The following TEX36 variants were observed in gnomAD, a reference collection of about 807,000 sequenced individuals.
The protein encoded by TEX36 is testis expressed 36.
TEX36 carries 12 observed loss-of-function variants against 13.6 expected under a neutral mutation model. That is an observed-to-expected ratio of 0.88 (90% confidence interval 0.56 to 1.43). The LOEUF is 1.43. Ranked by LOEUF, TEX36 falls within the 40% of genes most tolerant of loss-of-function variation. The pLI is 0.00. For missense variants in TEX36, 224 were observed against 228.3 expected, an observed-to-expected ratio of 0.98 and a Z score of 0.12; for synonymous variants, 93 against 83.0, an observed-to-expected ratio of 1.12 and a Z score of -0.65.
At chr10:125,582,732 AT>A (rs1845898356) in intron 3 of TEX36, among the ~76,000 whole-genome samples, 1 of 152,170 alleles carries the variant, frequency 6.6e-6, no homozygotes, top group Non-Finnish European at 1.5e-5. Context: ...TTGAAGTGGT[AT>A]TTTTCAGCAC....
intron 1 of TEX36, among the ~76,000 whole-genome samples, chr10:125,673,710 C>CAA (rs3064205): frequency 1.6e-3 from 110 of 67,966 alleles, no homozygotes; most frequent in Middle Eastern, 7.9e-3. Context: ...GACTCTCTCT[C>CAA]AAAAAAAAAA....
intron 3 of TEX36, among the ~76,000 whole-genome samples, chr10:125,640,373 C>G (rs1483018): frequency 0.01 from 1,581 of 152,300 alleles, 12 homozygotes; most frequent in Middle Eastern, 0.034. Flanking sequence ...AAATCACACG[C>G]TACACCTAAC....
At chr10:125,632,390 G>C (rs1375396457) in intron 3 of TEX36, among the ~76,000 whole-genome samples, 3 of 152,126 alleles carry the variant, frequency 2.0e-5, no homozygotes, top group African/African-American at 7.2e-5. Context: ...AGTCCTAAGG[G>C]AAGAGACTCT....
intron 3 of TEX36, among the ~76,000 whole-genome samples, chr10:125,609,081 G>A (rs969493310): frequency 9.9e-5 from 15 of 151,542 alleles, no homozygotes; most frequent in African/African-American, 3.4e-4. Flanking sequence ...CTTGAACCTG[G>A]GAGGCGGAAG....
intron 3 of TEX36, among the ~76,000 whole-genome samples, chr10:125,597,064 C>G (rs1846088836): frequency 6.6e-6 from 1 of 152,202 alleles, no homozygotes; most frequent in Non-Finnish European, 1.5e-5. Flanking sequence ...GTGACCCAAA[C>G]CTGGCTGAGC....
chr10:125,607,050 TA>T (rs768355105), intron 3 of TEX36, among the ~76,000 whole-genome samples: 4 of 152,204 alleles, frequency 2.6e-5, no homozygotes, highest in Non-Finnish European at 5.9e-5. Flanking sequence ...TGCAAATGCT[TA>T]CAGAAAGCTG....
chr10:125,673,430 AGGCTGGGCACT>A (rs1456139115), intron 1 of TEX36, among the ~76,000 whole-genome samples: 1 of 152,130 alleles, frequency 6.6e-6, no homozygotes, highest in African/African-American at 2.4e-5. Flanking sequence ...AAGAATGTTG[AGGCTGGGCACT>A]GGCTTATGCC....
chr10:125,656,320 G>A (rs545323219), intron 3 of TEX36, 124 bp from the exon 4 acceptor site: 7 of 905,306 alleles, frequency 7.7e-6, no homozygotes, highest in Middle Eastern at 3.8e-4. Flanking sequence ...TCAGTGGCAC[G>A]ATCTCAGCTC....
At chr10:125,579,413 A>G (rs1356475342) in intron 3 of TEX36, among the ~76,000 whole-genome samples, 1 of 152,112 alleles carries the variant, frequency 6.6e-6, no homozygotes, top group Admixed American at 6.5e-5. Flanking sequence ...AGCATGGGGG[A>G]ACTGCCTCCA....
intron 1 of TEX36, among the ~76,000 whole-genome samples, chr10:125,671,571 T>C (rs371512231): frequency 6.6e-6 from 1 of 152,132 alleles, no homozygotes; most frequent in Non-Finnish European, 1.5e-5. Context: ...ATGTTCATCA[T>C]GGATATTGGC....
downstream of TEX36, among the ~76,000 whole-genome samples, chr10:125,654,737 C>A (rs755636592): frequency 1.3e-5 from 2 of 152,222 alleles, no homozygotes; most frequent in Non-Finnish European, 1.5e-5. Flanking sequence ...AACAAGGTAC[C>A]TTTTTTCCCC....
At position 125,607,676 on chromosome 10, in the gene TEX36, T is replaced by G. The variant is rs914525200; in HGVS notation, c.265-30802A>C. Among the ~76,000 whole-genome samples the G allele has an allele frequency of 8.6e-5, 13 of 151,982 alleles. 1 individual carries two copies. The highest frequency in any genetic ancestry group is 3.1e-4 in the African/African-American group (13 of 41,354). Reference sequence around the variant, plus strand: ...TACATGTGACTCCCCGACTAGCTGGTAGGCCCTGGGAGCATAAGACCTCTA... The same window carrying G: ...TACATGTGACTCCCCGACTAGCTGGGAGGCCCTGGGAGCATAAGACCTCTA... On this transcript the variant is annotated intron_variant, in intron 3 of 3. Transcript: ENST00000532135.
Position 125,656,119 on chromosome 10 carries a change from A to G in TEX36, c.342T>C (p.Tyr114=), listed in dbSNP as rs1314267705. 2.6e-6 allele frequency: 4 copies of G among 1,550,442 alleles called. No homozygotes were observed. Among genetic ancestry groups the G allele is most frequent in the Non-Finnish European group, 2.6e-6 (3 of 1,146,742 alleles). The change falls in exon 4 of 4, where the codon TAT becomes TAC. Residue 114 remains tyrosine, a synonymous_variant. Coordinates refer to ENST00000368821, the MANE Select transcript of TEX36 (RefSeq NM_001128202.3). ...AAAAGCCATCAAGACAAGATGGAAC[A>G]TAGTCACATGCCCAGAGATTAAAAT... ...SRNFNLWACD[Y]VPSCLDGFSN...
intron 3 of TEX36, among the ~76,000 whole-genome samples, chr10:125,606,390 T>A (rs1846216259): frequency 6.6e-6 from 1 of 152,246 alleles, no homozygotes; most frequent in South Asian, 2.1e-4. Flanking sequence ...AAAAAACAGT[T>A]TAACCTTTAA....
At chr10:125,588,714 A>G (rs191481697) in intron 3 of TEX36, among the ~76,000 whole-genome samples, 10 of 152,316 alleles carry the variant, frequency 6.6e-5, no homozygotes, top group East Asian at 5.8e-4. Flanking sequence ...TCCCGGGTTC[A>G]AGCGATTCTC....
chr10:125,613,548 G>A (rs1178926561), intron 3 of TEX36, among the ~76,000 whole-genome samples: 1 of 148,190 alleles, frequency 6.7e-6, no homozygotes, highest in Admixed American at 6.8e-5. Context: ...TTTTGTTCTT[G>A]CGATAGTTTA....
At chr10:125,667,149 C>A (rs2133601987) in intron 1 of TEX36, 1 of 694,374 alleles carries the variant, frequency 1.4e-6, no homozygotes. Context: ...GGAATGTGAT[C>A]CCAGGGACAG....
At chr10:125,680,108 T>A (rs1386627100) in intron 1 of TEX36, among the ~76,000 whole-genome samples, 1 of 152,236 alleles carries the variant, frequency 6.6e-6, no homozygotes, top group Non-Finnish European at 1.5e-5. Flanking sequence ...CTTCTATTTT[T>A]AAAATGTTTT....
chr10:125,659,101 G>C (rs772145879), intron 3 of TEX36, among the ~76,000 whole-genome samples: 1 of 152,012 alleles, frequency 6.6e-6, no homozygotes, highest in Non-Finnish European at 1.5e-5. Context: ...AATCAAGAAA[G>C]AAAGAAAAAG....
Sources: gnomAD v4.1 joint callset for allele counts (sites outside exome capture counted in the v4.1 genomes callset) on GRCh38, gnomAD v4.1.1 for gene constraint, MANE v1.5 for transcripts, NCBI Gene and HGNC (gene_info 2026-07-23, HGNC 2026-07-21) for gene names.